Variants in NALF1 observed in about 807,000 individuals in gnomAD.
NALF1 encodes family with sequence similarity 155 member A.
A neutral mutation model predicts 48.4 loss-of-function variants in NALF1; 3 were observed. That is an observed-to-expected ratio of 0.06 (90% CI 0.03 to 0.16). NALF1 has a LOEUF of 0.16. Ranked by LOEUF, NALF1 falls within the 10% of genes least tolerant of loss-of-function variation. NALF1 has a pLI of 1.00. For missense variants in NALF1, 526 were observed against 571.5 expected, an observed-to-expected ratio of 0.92 and a Z score of 0.81; for synonymous variants, 262 against 245.7, an observed-to-expected ratio of 1.07 and a Z score of -0.62.
At chr13:107,279,641 ATCTC>A (rs1881349541) in intron 1 of NALF1, among the ~76,000 whole-genome samples, 1 of 152,056 alleles carries the variant, frequency 6.6e-6, no homozygotes, top group Non-Finnish European at 1.5e-5. Flanking sequence ...ATCATGTCCT[ATCTC>A]TCTGTCTTCA....
At chr13:107,569,765 G>A (rs1390922723) in intron 1 of NALF1, among the ~76,000 whole-genome samples, 1 of 151,924 alleles carries the variant, frequency 6.6e-6, no homozygotes, top group Non-Finnish European at 1.5e-5. Context: ...ACTTTAAGTT[G>A]TCTGTTTATA....
intron 1 of NALF1, among the ~76,000 whole-genome samples, chr13:107,805,290 G>A (rs2138600879): frequency 6.6e-6 from 1 of 152,232 alleles, no homozygotes; most frequent in Admixed American, 6.5e-5. Flanking sequence ...ATGATATGCA[G>A]TCTCCTTAAA....
At chr13:107,201,548 G>A (rs1014535295) in intron 2 of NALF1, among the ~76,000 whole-genome samples, 1 of 152,102 alleles carries the variant, frequency 6.6e-6, no homozygotes, top group Non-Finnish European at 1.5e-5. Context: ...CTGCACTCCA[G>A]CCTGGGTGAC....
intron 1 of NALF1, among the ~76,000 whole-genome samples, chr13:107,231,012 G>C (rs527695261): frequency 7.0e-6 from 1 of 142,934 alleles, no homozygotes; most frequent in African/African-American, 2.6e-5. Flanking sequence ...GTGAGCCCAT[G>C]GTTGTGTCTC....
rs1006946261 is a variant in NALF1 at position 107,755,885 on chromosome 13, A to G, written c.915+109797T>C. ...ATTCAGCAAGCTTATTTGCCCTCATATTTTATTTACATACAATCTTATGGC... is the reference window on the plus strand; with the variant it reads ...ATTCAGCAAGCTTATTTGCCCTCATGTTTTATTTACATACAATCTTATGGC... On this transcript the variant is annotated intron_variant, in intron 1 of 2. Coordinates refer to ENST00000375915, the MANE Select transcript of NALF1 (RefSeq NM_001080396.3). Among the ~76,000 whole-genome samples the G allele has an allele frequency of 5.9e-5, 9 of 152,236 alleles. 1 individual carries two copies. In the East Asian group the frequency reaches 1.7e-3, roughly 29 times the overall value.
intron 1 of NALF1, among the ~76,000 whole-genome samples, chr13:107,235,285 A>G (rs2138829240): frequency 6.6e-6 from 1 of 152,326 alleles, no homozygotes; most frequent in East Asian, 1.9e-4. Flanking sequence ...AATTGCCTCT[A>G]TTGAAAATTT....
At chr13:107,220,437 A>C (rs558494471) in intron 1 of NALF1, among the ~76,000 whole-genome samples, 1 of 152,348 alleles carries the variant, frequency 6.6e-6, no homozygotes, top group African/African-American at 2.4e-5. Context: ...TAGAATTTAC[A>C]TATTTAAAAA....
intron 1 of NALF1, among the ~76,000 whole-genome samples, chr13:107,592,951 A>G (rs545305916): frequency 1.3e-5 from 2 of 152,014 alleles, no homozygotes; most frequent in South Asian, 4.1e-4. Context: ...GTAGCAGTCT[A>G]AAGAAATATA....
intron 2 of NALF1, among the ~76,000 whole-genome samples, chr13:107,207,659 T>C (rs1313444670): frequency 6.6e-6 from 1 of 152,204 alleles, no homozygotes; most frequent in Non-Finnish European, 1.5e-5. Context: ...TCATTTTCTT[T>C]TTCATTTGAG....
intron 1 of NALF1, among the ~76,000 whole-genome samples, chr13:107,570,580 T>TATTTC (rs1202035679): frequency 6.7e-6 from 1 of 149,742 alleles, no homozygotes; most frequent in Non-Finnish European, 1.5e-5. Flanking sequence ...TTATTTATTT[T>TATTTC]ATTTTATTAT....
chr13:107,234,872 T>C (rs189168418), intron 1 of NALF1, among the ~76,000 whole-genome samples: 23 of 152,280 alleles, frequency 1.5e-4, no homozygotes, highest in Non-Finnish European at 3.2e-4. Flanking sequence ...CAGAATCCCT[T>C]CCTAACATTT....
At chr13:107,291,025 T>C (rs552928444) in intron 1 of NALF1, among the ~76,000 whole-genome samples, 27 of 151,908 alleles carry the variant, frequency 1.8e-4, no homozygotes, top group African/African-American at 6.5e-4. Flanking sequence ...TTGCTCTTAG[T>C]TGGCTAAAGC....
chr13:107,648,301 T>C (rs1880363408), intron 1 of NALF1, among the ~76,000 whole-genome samples: 1 of 152,098 alleles, frequency 6.6e-6, no homozygotes, highest in Non-Finnish European at 1.5e-5. Context: ...ACAGAATAAT[T>C]TCACTGTCAT....
At chr13:107,311,585 TA>T (rs1396664864) in intron 1 of NALF1, among the ~76,000 whole-genome samples, 28 of 150,998 alleles carry the variant, frequency 1.9e-4, no homozygotes, top group African/African-American at 6.1e-4. Flanking sequence ...TAAAAATAAT[TA>T]ATGAGCTAAA....
intron 1 of NALF1, among the ~76,000 whole-genome samples, chr13:107,519,373 A>C (rs1424399695): frequency 1.3e-5 from 2 of 152,186 alleles, no homozygotes; most frequent in East Asian, 3.9e-4. Flanking sequence ...GGAAAAAAAA[A>C]AAAACTTTTC....
chr13:107,425,072 C>T (rs1475578391), intron 1 of NALF1, among the ~76,000 whole-genome samples: 3 of 152,134 alleles, frequency 2.0e-5, no homozygotes, highest in Admixed American at 1.3e-4. Flanking sequence ...AAATGAAAGT[C>T]GTATTTTGCT....
intron 1 of NALF1, among the ~76,000 whole-genome samples, chr13:107,475,210 TC>T (rs1390252740): frequency 6.6e-6 from 1 of 152,194 alleles, no homozygotes; most frequent in African/African-American, 2.4e-5. Flanking sequence ...CGGCTATCAT[TC>T]ATTGAACACA....
In NALF1 at chr13:107,320,940, A is replaced by G; in HGVS notation, c.916-110185T>C. On this transcript the variant is annotated intron_variant, in intron 1 of 2. Coordinates refer to ENST00000375915, the MANE Select transcript of NALF1 (RefSeq NM_001080396.3). ...TCACGCATGTTGATCAGACTGGGGC[A>G]GTATTCAACTCATCACTGGTGGTAT... The G allele has an allele frequency of 1.1e-5, 2 of 187,074 alleles. 1 individual carries two copies. The highest frequency in any genetic ancestry group is 2.4e-5 in the Non-Finnish European group (2 of 84,672). 11.6% of individuals were successfully genotyped at this position (187,074 alleles called of 1,614,324 possible).
intron 1 of NALF1, among the ~76,000 whole-genome samples, chr13:107,542,374 G>A (rs1488453941): frequency 2.0e-5 from 3 of 152,080 alleles, no homozygotes; most frequent in Non-Finnish European, 4.4e-5. Flanking sequence ...AAAGGAAACT[G>A]AGTTTCTCTT....
Sources: allele counts gnomAD v4.1 joint callset (sites outside exome capture counted in the v4.1 genomes callset), GRCh38; gene constraint gnomAD v4.1.1; transcripts MANE v1.5; gene names NCBI Gene and HGNC (gene_info 2026-07-23, HGNC 2026-07-21).